Variants in C5orf15 observed in about 807,000 individuals in gnomAD.
The protein encoded by C5orf15 is chromosome 5 open reading frame 15.
A neutral mutation model predicts 17.8 loss-of-function variants in C5orf15; 10 were observed. That is an observed-to-expected ratio of 0.56 (90% CI 0.35 to 0.95). The LOEUF is 0.95. C5orf15 is among the 40% of genes least tolerant of loss of function. The pLI, the probability that C5orf15 is intolerant of heterozygous loss-of-function variation, is 0.02. For missense variants in C5orf15, 319 were observed against 331.7 expected (o/e 0.96, Z 0.30); for synonymous variants, 124 against 131.0 (o/e 0.95, Z 0.36).
Position 133,959,760 on chromosome 5 carries a change from T to G in C5orf15, c.400A>C (p.Ser134Arg). ...GTGTCTTTGGCTGTGGATGGAGAAC[T>G]GTTCAGCATGAGAAGATCCTCCTCC... ...IEEEDLLMLN[S>R]SPSTAKDTLD... is the part of the protein sequence containing the mutation. Residue 134 changes from serine to arginine, a missense_variant, in exon 2 of 3, where the codon AGT becomes CGT. Physicochemically the swap from Ser to Arg is moderately radical, Grantham distance 110. Coordinates refer to ENST00000231512, the MANE Select transcript of C5orf15 (RefSeq NM_020199.3). 1 of 1,614,174 alleles carries G rather than the reference T, an allele frequency of 6.2e-7. No individual in the cohort carries two copies. Among genetic ancestry groups the G allele is most frequent in the Non-Finnish European group, 8.5e-7 (1 of 1,180,018 alleles).
intron 1 of C5orf15, among the ~76,000 whole-genome samples, chr5:133,961,991 C>A (rs1178146370): frequency 6.6e-6 from 1 of 152,110 alleles, no homozygotes; most frequent in African/African-American, 2.4e-5. Context: ...AAACTACTAA[C>A]AGGAATTTCT....
intron 2 of C5orf15, 66 bp from the exon 3 acceptor site, chr5:133,957,056 C>G (rs879264768): frequency 2.9e-5 from 37 of 1,292,540 alleles, no homozygotes; most frequent in Non-Finnish European, 3.8e-5. Flanking sequence ...ATTTTTATAA[C>G]AAGTAAAATA....
At chr5:133,957,823 G>A (rs928289148) in intron 2 of C5orf15, among the ~76,000 whole-genome samples, 2 of 152,240 alleles carry the variant, frequency 1.3e-5, no homozygotes, top group African/African-American at 4.8e-5. Flanking sequence ...GTGTTACAAA[G>A]CAAGTTACAA....
At position 133,959,507 on chromosome 5, in the gene C5orf15, T is replaced by A. The variant is rs1307739136; in HGVS notation, c.653A>T (p.His218Leu). The A allele has an allele frequency of 2.0e-6, 3 of 1,506,528 alleles. No individual in the cohort carries two copies. In the African/African-American group the frequency reaches 4.2e-5, roughly 21 times the overall value. The allele number at this position is 1,506,528 out of a possible 1,614,324, so 93.3% of individuals were successfully genotyped here. A position where few individuals can be genotyped will look rare whatever the true frequency, so the allele number is the denominator to read the frequency against. ...TCCCAAACCTACCTTCCTTTTGTTG[T>A]GATATGTAATGTAAACAACAGCAAT... Reference protein sequence around the residue: ...FCIAVVYITYHNKRKIFLLVQ... With the variant: ...FCIAVVYITYLNKRKIFLLVQ... Residue 218 changes from histidine to leucine, a missense_variant, in exon 2 of 3, where the codon CAC becomes CTC. His to Leu is a moderately conservative substitution (Grantham distance 99). This residue lies in a region of C5orf15 where 175 missense variants were observed against 192.4 expected (regional missense o/e 0.91). Coordinates refer to ENST00000231512, the MANE Select transcript of C5orf15 (RefSeq NM_020199.3).
chr5:133,959,404 CAAAAAAAAAAAAAA>C (rs397999300), intron 2 of C5orf15, 76 bp downstream of exon 2: 2 of 124,566 alleles, frequency 1.6e-5, no homozygotes, highest in African/African-American at 8.6e-5. Context: ...CTTTTTTTTG[CAAAAAAAAAAAAAA>C]AAAAAAAAAA....
At chr5:133,960,786 C>T (rs1482229695) in intron 1 of C5orf15, among the ~76,000 whole-genome samples, 1 of 152,070 alleles carries the variant, frequency 6.6e-6, no homozygotes, top group African/African-American at 2.4e-5. Context: ...AGGTAAAATT[C>T]TTTACATAAG....
At chr5:133,958,049 C>G (rs1334312504) in intron 2 of C5orf15, among the ~76,000 whole-genome samples, 3 of 151,860 alleles carry the variant, frequency 2.0e-5, no homozygotes, top group Non-Finnish European at 4.4e-5. Context: ...AAATGTTCAT[C>G]ACAATATTAT....
At chr5:133,961,930 C>T (rs1412804549) in intron 1 of C5orf15, among the ~76,000 whole-genome samples, 1 of 151,982 alleles carries the variant, frequency 6.6e-6, no homozygotes, top group Non-Finnish European at 1.5e-5. Flanking sequence ...AAATTTTTTA[C>T]TGGAAGAAAA....
At position 133,959,574 on chromosome 5, in the gene C5orf15, C is replaced by T. The variant is rs1164249729; in HGVS notation, c.586G>A (p.Asp196Asn). 6.2e-7 allele frequency: 1 copy of T among 1,608,870 alleles called. No individual in the cohort carries two copies. Among genetic ancestry groups the T allele is most frequent in the Non-Finnish European group, 8.5e-7 (1 of 1,178,362 alleles). ...KMPSSNIEEE[D>N]SHFFFHLIIF... is the part of the protein sequence containing the mutation. ...ATAAGATGAAAAAAGAAATGGCTGT[C>T]TTCCTCTTCTATATTTGAGGATGGC... Residue 196 changes from aspartate (D) to asparagine (N), a missense_variant, in exon 2 of 3, where the codon GAC (aspartate) becomes AAC (asparagine). Around this residue, in one of 3 missense-constraint regions of C5orf15, gnomAD observed 175 missense variants for 192.4 expected, o/e 0.91. Transcript: ENST00000231512.
chr5:133,964,545 G>A (rs1348320731), intron 1 of C5orf15, among the ~76,000 whole-genome samples: 3 of 152,074 alleles, frequency 2.0e-5, no homozygotes, highest in South Asian at 2.1e-4. Flanking sequence ...TTTGAAAGAC[G>A]TTACTATTAG....
At chr5:133,963,274 C>G (rs1752147746) in intron 1 of C5orf15, among the ~76,000 whole-genome samples, 1 of 152,248 alleles carries the variant, frequency 6.6e-6, no homozygotes, top group South Asian at 2.1e-4. Context: ...CTGATGACAT[C>G]ACTTCCTAAC....
intron 1 of C5orf15, among the ~76,000 whole-genome samples, chr5:133,962,420 TCTC>T (rs1225272296): frequency 2.0e-5 from 3 of 152,118 alleles, no homozygotes; most frequent in African/African-American, 7.2e-5. Context: ...GAGGCACAGT[TCTC>T]CTCCTCATTG....
intron 1 of C5orf15, among the ~76,000 whole-genome samples, chr5:133,960,309 GT>G (rs1159036783): frequency 6.6e-6 from 1 of 152,162 alleles, no homozygotes; most frequent in Non-Finnish European, 1.5e-5. Context: ...CTGACTTTAA[GT>G]CACGATGGCA....
intron 1 of C5orf15, among the ~76,000 whole-genome samples, chr5:133,960,373 G>A (rs966684174): frequency 6.6e-6 from 1 of 152,198 alleles, no homozygotes; most frequent in Non-Finnish European, 1.5e-5. Context: ...CATAAAGGGT[G>A]TGGATTTCAG....
chr5:133,958,450 G>A (rs1307003494), intron 2 of C5orf15, among the ~76,000 whole-genome samples: 1 of 151,596 alleles, frequency 6.6e-6, no homozygotes, highest in East Asian at 1.9e-4. Flanking sequence ...GGTGGCCTGC[G>A]CCTGTAGTCC....
At chr5:133,962,486 TCTCTTATCTTAAG>T in intron 1 of C5orf15, among the ~76,000 whole-genome samples, 1 of 152,318 alleles carries the variant, frequency 6.6e-6, no homozygotes, top group East Asian at 1.9e-4. Context: ...TAGCTTTGAT[TCTCTTATCTTAAG>T]CTATAATGCA....
chr5:133,960,615 A>C lies in C5orf15; in HGVS notation c.140-595T>G, dbSNP rs183375395. ...AAAGAAGGATCCTTACAAAGAAGAA[A>C]AAACTTCTAAAGGAGAAGCATCCGA... On this transcript the variant is annotated intron_variant, in intron 1 of 2. Coordinates refer to ENST00000231512, the MANE Select transcript of C5orf15 (RefSeq NM_020199.3). Among the ~76,000 whole-genome samples, 585 of 152,340 alleles carry C rather than the reference A, an allele frequency of 3.8e-3. 2 individuals carry two copies. The highest frequency in any genetic ancestry group is 0.017 in the Middle Eastern group (5 of 294).
At chr5:133,963,480 C>T (rs750393333) in intron 1 of C5orf15, among the ~76,000 whole-genome samples, 1 of 152,148 alleles carries the variant, frequency 6.6e-6, no homozygotes, top group Non-Finnish European at 1.5e-5. Flanking sequence ...AAGCTCTGAA[C>T]ATTATGTATA....
Position 133,968,497 on chromosome 5 carries a change from C to A in C5orf15, c.88G>T (p.Ala30Ser). Residue 30 changes from alanine to serine, a missense_variant, in exon 1 of 3, where the codon GCG becomes TCG. Coordinates refer to ENST00000231512, the MANE Select transcript of C5orf15 (RefSeq NM_020199.3). ...AGGAGCGCCAAGACCAGCGGCCGCG[C>A]CAACCCCACAAGGGCTTGGATGGCC... is the stretch of plus-strand genomic sequence containing the variant. Reference protein sequence around the residue: ...GSAIQALVGLARPLVLALLLV... With the variant: ...GSAIQALVGLSRPLVLALLLV... 1.2e-6 allele frequency: 2 copies of A among 1,606,124 alleles called. No homozygotes were observed. Among genetic ancestry groups the A allele is most frequent in the Non-Finnish European group, 1.7e-6 (2 of 1,176,798 alleles).
Sources: allele counts gnomAD v4.1 joint callset (sites outside exome capture counted in the v4.1 genomes callset), GRCh38; gene constraint gnomAD v4.1.1; regional missense constraint gnomAD v4.1.1; transcripts MANE v1.5; gene names NCBI Gene and HGNC (gene_info 2026-07-23, HGNC 2026-07-21).